ACBD5: variants seen among roughly 807,000 people sequenced by gnomAD.
ACBD5 encodes the protein acyl-CoA-binding domain-containing protein 5.
ACBD5 carries 40 observed loss-of-function variants against 71.8 expected under a neutral mutation model. The observed-to-expected ratio is 0.56, with a 90% CI of 0.43 to 0.72. The LOEUF (loss-of-function observed/expected upper bound fraction) is 0.72, where lower values mean the gene tolerates loss of function less well. Among genes scored for constraint, ACBD5 ranks in the 30% least tolerant of loss-of-function variants. The pLI, the probability that ACBD5 is intolerant of heterozygous loss-of-function variation, is 0.00. For missense variants in ACBD5, 559 were observed against 644.5 expected (o/e 0.87, Z 1.44); for synonymous variants, 229 against 218.6 (o/e 1.05, Z -0.42).
intron 13 of ACBD5, among the ~76,000 whole-genome samples, chr10:27,184,416 C>T (rs1017334467): frequency 1.3e-5 from 2 of 152,006 alleles, no homozygotes; most frequent in Non-Finnish European, 2.9e-5. Context: ...AACACACACA[C>T]GTTTCAACTT....
At chr10:27,198,971 T>C (rs1331182802) in intron 12 of ACBD5, among the ~76,000 whole-genome samples, 1 of 151,862 alleles carries the variant, frequency 6.6e-6, no homozygotes, top group African/African-American at 2.4e-5. Context: ...TAGCAGGGCA[T>C]GGTGGCACGC....
chr10:27,226,824 T>C (rs1184092923), intron 4 of ACBD5, among the ~76,000 whole-genome samples: 2 of 151,372 alleles, frequency 1.3e-5, no homozygotes, highest in Admixed American at 6.6e-5. Flanking sequence ...GCTAACTTTT[T>C]TGTATTTTTA....
chr10:27,231,840 CA>C lies in ACBD5; in HGVS notation c.303-21del, dbSNP rs1457658425. On this transcript the variant is annotated intron_variant, in intron 3 of 12. Transcript: ENST00000396271. ...GCATCCCTAGAAATGAAAGTATCCA[CA>C]AAATGACAAAGAGACATCTGATTTT... 1.9e-6 allele frequency: 3 copies of C among 1,606,582 alleles called. No individual in the cohort carries two copies. The highest frequency in any genetic ancestry group is 2.6e-6 in the Non-Finnish European group (3 of 1,173,910).
At chr10:27,194,575 GCA>G (rs1382154256), downstream of ACBD5, among the ~76,000 whole-genome samples, 1 of 150,348 alleles carries the variant, frequency 6.7e-6, no homozygotes, top group Non-Finnish European at 1.5e-5. Flanking sequence ...TCACACCACT[GCA>G]ATCCAGCCTG....
chr10:27,208,395 T>C lies in ACBD5; in HGVS notation c.1255A>G (p.Ser419Gly), dbSNP rs2060695574. Residue 419 changes from serine (S) to glycine (G), a missense_variant, in exon 10 of 13, where the codon AGT becomes GGT. By Grantham distance (56) the Ser-to-Gly change is moderately conservative. Transcript: ENST00000396271. ...CCCCAGCGCTCCCCATCACCTCCAC[T>C]TCCCACCTGCCGGCCCTTGGTTCCT... ...SEGTKGRQVG[S>G]GGDGERWGSD... 1.2e-6 allele frequency: 2 copies of C among 1,614,034 alleles called. No individual in the cohort carries two copies. The highest frequency in any genetic ancestry group is 1.7e-5 in the Admixed American group (1 of 59,994).
intron 10 of ACBD5, among the ~76,000 whole-genome samples, chr10:27,206,285 A>T (rs565465293): frequency 1.1e-4 from 17 of 152,066 alleles, no homozygotes; most frequent in Admixed American, 9.8e-4. Context: ...ATCACTAAAG[A>T]TATTGAATAT....
At position 27,215,592 on chromosome 10, in the gene ACBD5, T is replaced by C; in HGVS notation, c.879A>G (p.Thr293=). Residue 293 remains threonine (T), a synonymous_variant, in exon 8 of 13, where the codon ACA becomes ACG. Transcript: ENST00000396271. ...VEDVTGIQHL[T]SDSDSEVYCD... Reference sequence around the variant, plus strand: ...AGTAAACTTCACTGTCTGAATCGCTTGTCAAATGCTGAATTCCTGTAACAT... The same window carrying C: ...AGTAAACTTCACTGTCTGAATCGCTCGTCAAATGCTGAATTCCTGTAACAT... The C allele has an allele frequency of 6.2e-7, 1 of 1,613,720 alleles. No homozygotes were observed. The highest frequency in any genetic ancestry group is 1.3e-5 in the African/African-American group (1 of 75,064).
chr10:27,227,588 T>A (rs2063247609), intron 4 of ACBD5, among the ~76,000 whole-genome samples: 1 of 152,208 alleles, frequency 6.6e-6, no homozygotes, highest in Admixed American at 6.6e-5. Context: ...AAAAGATGTT[T>A]ACTATGAGTG....
At chr10:27,218,220 A>G (rs1564639324) in intron 6 of ACBD5, 37 bp from the exon 7 acceptor site, 2 of 1,494,086 alleles carry the variant, frequency 1.3e-6, no homozygotes. Flanking sequence ...ATAAAAGTTC[A>G]CAGTAGGTCA....
At chr10:27,198,907 A>G (rs1259836873) in intron 12 of ACBD5, among the ~76,000 whole-genome samples, 2 of 152,058 alleles carry the variant, frequency 1.3e-5, no homozygotes, top group South Asian at 2.1e-4. Context: ...TTGGGAGATC[A>G]AGACCATCCT....
chr10:27,199,268 G>A (rs1384581183), intron 12 of ACBD5, among the ~76,000 whole-genome samples: 1 of 149,854 alleles, frequency 6.7e-6, no homozygotes. Flanking sequence ...TCGGCTCACT[G>A]CAACCTCCAC....
intron 12 of ACBD5, among the ~76,000 whole-genome samples, chr10:27,198,459 C>CTTA (rs2059580451): frequency 6.6e-6 from 1 of 152,210 alleles, no homozygotes; most frequent in African/African-American, 2.4e-5. Flanking sequence ...TGATTCCTCT[C>CTTA]TGTAGAAATA....
At chr10:27,218,250 T>A in intron 6 of ACBD5, 67 bp from the exon 7 acceptor site, 2 of 1,250,112 alleles carry the variant, frequency 1.6e-6, no homozygotes, top group Non-Finnish European at 2.3e-6. Flanking sequence ...TACCATGTTT[T>A]AATATCCAGC....
At chr10:27,233,753 C>A (rs2064233155) in intron 3 of ACBD5, among the ~76,000 whole-genome samples, 3 of 152,036 alleles carry the variant, frequency 2.0e-5, no homozygotes, top group Admixed American at 2.0e-4. Flanking sequence ...ACATGCTTCA[C>A]CACTGGGGCG....
chr10:27,224,015 T>C (rs10829214), intron 4 of ACBD5, among the ~76,000 whole-genome samples: 10,436 of 152,120 alleles, frequency 0.069, 683 homozygotes, highest in African/African-American at 0.17. Context: ...ATTTTGAAGA[T>C]TATTTTACAT....
downstream of ACBD5, chr10:27,195,178 T>C (rs16927614): frequency 0.048 from 17,120 of 354,816 alleles, 2,563 homozygotes; most frequent in African/African-American, 0.33. Flanking sequence ...TCTTACCTAA[T>C]CAATGGGCTA....
chr10:27,212,545 G>C (rs909785385), intron 8 of ACBD5, among the ~76,000 whole-genome samples: 1 of 149,924 alleles, frequency 6.7e-6, no homozygotes, highest in African/African-American at 2.4e-5. Flanking sequence ...TTCTCAGTTT[G>C]GCCTCCTTAT....
chr10:27,204,600 AAACTTAAAAACATACCTAATTC>A (rs1158737880), intron 11 of ACBD5, 51 bp from the exon 12 acceptor site: 1 of 1,270,708 alleles, frequency 7.9e-7, no homozygotes, highest in Admixed American at 1.7e-5. Context: ...CTGCATGTAT[AAACTTAAAAACATACCTAATTC>A]ATAATTTTGA....
intron 4 of ACBD5, among the ~76,000 whole-genome samples, chr10:27,225,483 A>G (rs1447548727): frequency 3.3e-5 from 5 of 152,212 alleles, no homozygotes; most frequent in African/African-American, 9.6e-5. Context: ...AACTGGTTCT[A>G]GTGATTATAA....
Sources: allele counts gnomAD v4.1 joint callset (sites outside exome capture counted in the v4.1 genomes callset), GRCh38; gene constraint gnomAD v4.1.1; transcripts MANE v1.5; gene names NCBI Gene and HGNC (gene_info 2026-07-23, HGNC 2026-07-21).